NCALD: variants seen among roughly 807,000 people sequenced by gnomAD.
NCALD encodes neurocalcin-delta.
NCALD carries 10 observed loss-of-function variants against 18.6 expected under a neutral mutation model. That is an observed-to-expected ratio of 0.54 (90% confidence interval 0.33 to 0.91). The LOEUF is 0.91. Among genes scored for constraint, NCALD ranks in the 40% least tolerant of loss-of-function variants. The probability of loss-of-function intolerance (pLI) is 0.03; values close to 1 mark genes in which losing one functional copy is unlikely to be tolerated. For synonymous variants in NCALD, 88 were observed against 87.4 expected, an observed-to-expected ratio of 1.01 and a Z score of -0.04; for missense variants, 184 against 247.6, an observed-to-expected ratio of 0.74 and a Z score of 1.72.
chr8:102,049,281 A>G (rs1252055357), intron 1 of NCALD, among the ~76,000 whole-genome samples: 1 of 152,180 alleles, frequency 6.6e-6, no homozygotes, highest in Non-Finnish European at 1.5e-5. Context: ...ACAGATTCCA[A>G]AGGGCCAACC....
chr8:102,099,334 G>A (rs1165204035), intron 1 of NCALD, among the ~76,000 whole-genome samples: 1 of 152,188 alleles, frequency 6.6e-6, no homozygotes, highest in African/African-American at 2.4e-5. Context: ...AGTATCTTTA[G>A]AGAATGGGGA....
intron 4 of NCALD, among the ~76,000 whole-genome samples, chr8:101,833,607 CTTGTT>C (rs1814277071): frequency 1.3e-5 from 1 of 75,086 alleles, no homozygotes; most frequent in Non-Finnish European, 2.6e-5. Context: ...TTTTTTGTTT[CTTGTT>C]TTTTTTTTTT....
chr8:102,090,142 C>T (rs1824877860), intron 1 of NCALD, among the ~76,000 whole-genome samples: 1 of 151,442 alleles, frequency 6.6e-6, no homozygotes, highest in South Asian at 2.1e-4. Context: ...TAGTGTTTGG[C>T]TTTCTTTGGG....
intron 4 of NCALD, among the ~76,000 whole-genome samples, chr8:101,821,039 T>C (rs1813700234): frequency 6.6e-6 from 1 of 152,180 alleles, no homozygotes; most frequent in Admixed American, 6.5e-5. Context: ...AGACACCACA[T>C]GCACAAGTAC....
At chr8:101,778,321 C>T (rs192454495) in intron 1 of NCALD, among the ~76,000 whole-genome samples, 4 of 152,224 alleles carry the variant, frequency 2.6e-5, no homozygotes, top group South Asian at 4.1e-4. Context: ...TATGATTGGG[C>T]CAGTCAACCC....
At position 101,693,015 on chromosome 8, in the gene NCALD, C is replaced by G. The variant is rs1051473576; in HGVS notation, c.379-119G>C. 4.4e-5 allele frequency: 30 copies of G among 687,772 alleles called. No homozygotes were observed. The African/African-American group carries it at 5.2e-4, about 12-fold the overall frequency. The allele number at this position is 687,772 out of a possible 1,614,324, so 42.6% of individuals were successfully genotyped here. On this transcript the variant is annotated intron_variant, in intron 2 of 3. Transcript: ENST00000220931. ...TGTCCCCATCCGCATTGGACCTAGT[C>G]CTACCCCTATTGATTGGTATAAGAT...
intron 2 of NCALD, among the ~76,000 whole-genome samples, chr8:101,696,504 T>C (rs1418566875): frequency 6.6e-6 from 1 of 152,062 alleles, no homozygotes; most frequent in Non-Finnish European, 1.5e-5. Flanking sequence ...CAAAACACCA[T>C]GTGGAAGCCC....
chr8:101,854,421 G>T (rs759795234), intron 4 of NCALD, among the ~76,000 whole-genome samples: 1 of 152,130 alleles, frequency 6.6e-6, no homozygotes, highest in Non-Finnish European at 1.5e-5. Context: ...TTCCTGAAGT[G>T]CATGGGTCAG....
chr8:101,756,825 T>C (rs1810902934), intron 1 of NCALD, among the ~76,000 whole-genome samples: 1 of 152,214 alleles, frequency 6.6e-6, no homozygotes, highest in Admixed American at 6.5e-5. Flanking sequence ...TTATTAAATT[T>C]ATCCTATTAG....
intron 1 of NCALD, among the ~76,000 whole-genome samples, chr8:102,051,458 A>T (rs1417028264): frequency 6.6e-6 from 1 of 152,096 alleles, no homozygotes; most frequent in Non-Finnish European, 1.5e-5. Context: ...ACAGTTTCTA[A>T]TCCTGTCAAT....
intron 4 of NCALD, among the ~76,000 whole-genome samples, chr8:101,852,274 T>C (rs1244627545): frequency 6.6e-6 from 1 of 152,194 alleles, no homozygotes; most frequent in Non-Finnish European, 1.5e-5. Context: ...TCTGATACAC[T>C]GTACTATGTT....
chr8:101,962,094 A>T lies in NCALD; in HGVS notation c.-156-46236T>A, dbSNP rs187028114. Among the ~76,000 whole-genome samples, 72 of 151,842 alleles carry T rather than the reference A, an allele frequency of 4.7e-4. No homozygotes were observed. The East Asian group carries it at 8.9e-3, about 19-fold the overall frequency. On this transcript the variant is annotated intron_variant, in intron 2 of 6. Transcript: ENST00000311028. The stretch of plus-strand genomic sequence containing the variant: ...CTGTGGCTTATTCATTTTGTTATTT[A>T]AAAAAAAATGCAGAAGTCCATACTT...
At chr8:101,804,560 AAT>A (rs1159031692) in intron 4 of NCALD, among the ~76,000 whole-genome samples, 1 of 122,176 alleles carries the variant, frequency 8.2e-6, no homozygotes, top group Non-Finnish European at 1.6e-5. Flanking sequence ...TTGATTATAT[AAT>A]ATATAATTAA....
chr8:101,827,641 T>C (rs898910813), intron 4 of NCALD, among the ~76,000 whole-genome samples: 6 of 152,238 alleles, frequency 3.9e-5, no homozygotes, highest in Non-Finnish European at 5.9e-5. Context: ...GTCCTGGAAT[T>C]GTGCTATGTG....
chr8:102,029,083 T>C (rs1208615475), intron 1 of NCALD: 1 of 152,186 alleles, frequency 6.6e-6, no homozygotes, highest in African/African-American at 2.4e-5. Context: ...AATTTTAAAA[T>C]AATGATAGGA....
intron 4 of NCALD, among the ~76,000 whole-genome samples, chr8:101,855,809 A>G (rs1815294147): frequency 6.6e-6 from 1 of 152,198 alleles, no homozygotes; most frequent in African/African-American, 2.4e-5. Flanking sequence ...AAAGACAGAA[A>G]TAAAAAACAG....
intron 1 of NCALD, among the ~76,000 whole-genome samples, chr8:102,022,156 C>G (rs567678676): frequency 1.1e-4 from 16 of 151,984 alleles, no homozygotes; most frequent in Non-Finnish European, 1.6e-4. Context: ...AACCAGAGGT[C>G]GGGGAGCCCA....
At chr8:102,104,430 T>G (rs115559709) in intron 1 of NCALD, among the ~76,000 whole-genome samples, 2,621 of 152,158 alleles carry the variant, frequency 0.017, 99 homozygotes, top group African/African-American at 0.06. Flanking sequence ...CCTGTGATTG[T>G]TTTTCTCAAA....
chr8:102,103,103 ACT>A lies in NCALD; in HGVS notation c.-210+21132_-210+21133del, dbSNP rs764335588. On this transcript the variant is annotated intron_variant, in intron 1 of 6. Coordinates refer to the NCALD transcript ENST00000311028. ...GGGGAAACCAGATGAGTAAGGGGAG[ACT>A]CTGTGGAAAATACAGACTCAGAGGA... 2.3e-3 allele frequency among the ~76,000 whole-genome samples: 348 copies of A among 151,902 alleles called. 3 individuals are homozygous for A. Among genetic ancestry groups the A allele is most frequent in the Middle Eastern group, 6.8e-3 (2 of 294 alleles).
Sources: gnomAD v4.1 joint callset for allele counts (sites outside exome capture counted in the v4.1 genomes callset) on GRCh38, gnomAD v4.1.1 for gene constraint, MANE v1.5 for transcripts, NCBI Gene and HGNC (gene_info 2026-07-23, HGNC 2026-07-21) for gene names.